CACNA1G: variants seen among roughly 807,000 people sequenced by gnomAD.
CACNA1G encodes calcium voltage-gated channel subunit alpha1 G.
Under a neutral mutation model 219.4 loss-of-function variants are expected in CACNA1G, and 67 were observed. That is an observed-to-expected ratio of 0.31 (90% CI 0.25 to 0.37). The LOEUF is 0.37. CACNA1G is among the 10% of genes least tolerant of loss of function. CACNA1G has a pLI of 1.00. For missense variants in CACNA1G, 2,380 were observed against 3,231.4 expected, an observed-to-expected ratio of 0.74 and a Z score of 6.39; for synonymous variants, 1,296 against 1,345.3, an observed-to-expected ratio of 0.96 and a Z score of 0.80.
intron 35 of CACNA1G, 95 bp from the exon 36 acceptor site, chr17:50,623,812 G>A (rs547654781): frequency 1.4e-5 from 19 of 1,319,096 alleles, no homozygotes; most frequent in Middle Eastern, 2.2e-4. Context: ...AGGGCTGGGC[G>A]GGGGGCGCTG....
Position 50,568,949 on chromosome 17 carries a change from G to T in CACNA1G, c.322G>T (p.Ala108Ser), listed in dbSNP as rs750305086. The T allele has an allele frequency of 5.0e-6, 8 of 1,612,646 alleles. No individual in the cohort carries two copies. In the East Asian group the frequency reaches 1.1e-4, roughly 22 times the overall value. ...CATGTTCCGGCCATGCGAGGACATC[G>T]CCTGTGACTCCCAGCGCTGCCGGAT... ...LGMFRPCEDI[A>S]CDSQRCRILQ... is the part of the protein sequence containing the mutation. Residue 108 changes from alanine to serine, a missense_variant, in exon 2 of 38, where the codon GCC (alanine) becomes TCC (serine). By Grantham distance (99) the Ala-to-Ser change is moderately conservative. Around this residue, in one of 17 missense-constraint regions of CACNA1G, gnomAD observed 64 missense variants for 103.7 expected, o/e 0.62. Coordinates refer to ENST00000359106, the MANE Select transcript of CACNA1G (RefSeq NM_018896.5).
Position 50,576,035 on chromosome 17 carries a change from GC to G in CACNA1G, c.1640del (p.Pro547LeufsTer17), listed in dbSNP as rs767555827. 5.7e-6 allele frequency: 9 copies of G among 1,569,838 alleles called. No homozygotes were observed. Among genetic ancestry groups the G allele is most frequent in the East Asian group, 2.4e-5 (1 of 41,904 alleles). On this transcript the variant is annotated frameshift_variant, in exon 8 of 38. Coordinates refer to ENST00000359106, the MANE Select transcript of CACNA1G (RefSeq NM_018896.5). LOFTEE classifies it high-confidence loss of function. ...ACCCTCGACGCCTGCCCTCTCCGGG[GC>G]CCCCCCTGGTGGCGCAGAGTCTGTG... ...PPPSTPALSG[A>X]PPGGAESVHS...
intron 9 of CACNA1G, among the ~76,000 whole-genome samples, chr17:50,581,082 G>A (rs1368780452): frequency 6.6e-6 from 1 of 151,168 alleles, no homozygotes; most frequent in Admixed American, 6.6e-5. Context: ...ACAGAGGCAC[G>A]GAGGGCAAGA....
At position 50,600,286 on chromosome 17, in the gene CACNA1G, G is replaced by C. The variant is rs1318992869; in HGVS notation, c.3690+427G>C. Among the ~76,000 whole-genome samples, 1 of 152,132 alleles carries C rather than the reference G, an allele frequency of 6.6e-6. No homozygotes were observed. Among genetic ancestry groups the C allele is most frequent in the Non-Finnish European group, 1.5e-5 (1 of 68,022 alleles). On this transcript the variant is annotated intron_variant, in intron 17 of 37. Transcript: ENST00000359106. The surrounding 1 kb of genome is among the most constrained non-coding windows in gnomAD (Gnocchi z 4.1). ...CCCCTCATCACCACCATTCCCCCTG[G>C]GGATGGGGTGCAGTGACCTCAGGGT...
Position 50,575,790 on chromosome 17 carries a change from G to T in CACNA1G, c.1388G>T (p.Gly463Val), listed in dbSNP as rs1475211496. ...TCTCGGGCAGCAGGTGTGCGGGTTGGGCTGCTCAGCAGCCCAGCACCCCTC... is the reference window on the plus strand; with the variant it reads ...TCTCGGGCAGCAGGTGTGCGGGTTGTGCTGCTCAGCAGCCCAGCACCCCTC... ...QVSRAAGVRV[G>V]LLSSPAPLGG... Residue 463 changes from glycine (G) to valine (V), a missense_variant, in exon 8 of 38, where the codon GGG becomes GTG. This residue lies in a region of CACNA1G where 434 missense variants were observed against 417.3 expected (regional missense o/e 1.04). Transcript: ENST00000359106. 3.2e-6 allele frequency: 5 copies of T among 1,553,542 alleles called. No individual in the cohort carries two copies. The highest frequency in any genetic ancestry group is 4.4e-6 in the Non-Finnish European group (5 of 1,148,658).
At chr17:50,607,547 C>A in intron 24 of CACNA1G, 1 of 433,882 alleles carries the variant, frequency 2.3e-6, no homozygotes, top group Non-Finnish European at 4.2e-6. Context: ...TTTGTGTCTA[C>A]TCAGGAAAAG....
rs1397267383 is a variant in CACNA1G, at chr17:50,573,102, C to T, written c.1129C>T (p.Leu377Phe). 3.8e-6 allele frequency: 6 copies of T among 1,568,776 alleles called. No individual in the cohort carries two copies. Among genetic ancestry groups the T allele is most frequent in the South Asian group, 2.3e-5 (2 of 85,296 alleles). Reference sequence around the variant, plus strand: ...CTTCTACAATTTCATCTACTTCATCCTCCTCATCATCGTGAGTGACTCCTC... The same window carrying T: ...CTTCTACAATTTCATCTACTTCATCTTCCTCATCATCGTGAGTGACTCCTC... The part of the protein sequence containing the change: ...HSFYNFIYFI[L>F]LIIVGSFFMI... The change falls in exon 7 of 38, where the codon CTC becomes TTC. Residue 377 changes from leucine (L) to phenylalanine (F), a missense_variant. Around this residue, in one of 17 missense-constraint regions of CACNA1G, gnomAD observed 72 missense variants for 175.8 expected, o/e 0.41. Coordinates refer to ENST00000359106, the MANE Select transcript of CACNA1G (RefSeq NM_018896.5).
At chr17:50,622,172 C>T (rs2052304311) in intron 35 of CACNA1G, among the ~76,000 whole-genome samples, 2 of 146,272 alleles carry the variant, frequency 1.4e-5, no homozygotes, top group Admixed American at 6.8e-5. Context: ...CTGTTCCCCT[C>T]CTCCCCACCC....
rs56854760 is a variant in CACNA1G at position 50,606,066 on chromosome 17, G to A, written c.4422+43G>A. 1,260 of 1,613,676 alleles carry A rather than the reference G, an allele frequency of 7.8e-4. 11 individuals carry two copies. The African/African-American group carries it at 0.014, about 18-fold the overall frequency. ...AGGTGGGGCTGTGGTGAAGGAGGCT[G>A]GAGGGGGCACAGGGCCATGCTTAGT... On this transcript the variant is annotated intron_variant, in intron 23 of 37. Coordinates refer to ENST00000359106, the MANE Select transcript of CACNA1G (RefSeq NM_018896.5).
intron 22 of CACNA1G, among the ~76,000 whole-genome samples, 169 bp downstream of exon 22, chr17:50,604,450 A>G (rs2047498795): frequency 6.6e-6 from 1 of 152,214 alleles, no homozygotes; most frequent in Admixed American, 6.5e-5. Flanking sequence ...GGGCATTTCA[A>G]AGAAAAGTGG....
At chr17:50,561,812 GAGGGTA>G in intron 1 of CACNA1G, 111 bp downstream of exon 1, 1 of 770,744 alleles carries the variant, frequency 1.3e-6, no homozygotes, top group Non-Finnish European at 1.8e-6. Context: ...AGTGAGCCCG[GAGGGTA>G]GGCGGATGGG....
In CACNA1G at chr17:50,626,575, G is replaced by C; in HGVS notation, c.6958G>C (p.Gly2320Arg). The C allele has an allele frequency of 6.3e-7, 1 of 1,599,570 alleles. No individual in the cohort carries two copies. Among genetic ancestry groups the C allele is most frequent in the Non-Finnish European group, 8.5e-7 (1 of 1,174,090 alleles). Residue 2320 changes from glycine (G) to arginine (R), a missense_variant, in exon 38 of 38, where the codon GGT becomes CGT. This residue lies in a region of CACNA1G where 672 missense variants were observed against 670.5 expected (regional missense o/e 1.00). Coordinates refer to ENST00000359106, the MANE Select transcript of CACNA1G (RefSeq NM_018896.5). This position sits in a 1 kb window ranked among gnomAD's most constrained non-coding sequence, Gnocchi z 4.3. ...CACCATAGACCCCCCCGAGAGCCAA[G>C]GTCCTCGGACCCCGCCCAGCCCTGG... ...SITIDPPESQ[G>R]PRTPPSPGIC... is the part of the protein sequence containing the mutation.
At chr17:50,624,598 T>G in intron 37 of CACNA1G, 69 bp downstream of exon 37, 2 of 1,363,054 alleles carry the variant, frequency 1.5e-6, no homozygotes, top group East Asian at 5.0e-5. Context: ...ATGACCTGTG[T>G]TGACACTTTC....
chr17:50,585,517 C>T (rs1004706169), intron 9 of CACNA1G, among the ~76,000 whole-genome samples: 1 of 152,158 alleles, frequency 6.6e-6, no homozygotes, highest in Admixed American at 6.5e-5. Flanking sequence ...AGAATGAACT[C>T]TGAGGAATGT....
chr17:50,599,310 C>T, intron 16 of CACNA1G, 118 bp from the exon 17 acceptor site: 1 of 953,112 alleles, frequency 1.0e-6, no homozygotes, highest in East Asian at 2.6e-5. Context: ...TCCAGAGCTC[C>T]TGCTCACATC....
chr17:50,625,298 C>T (rs747758315), intron 37 of CACNA1G, among the ~76,000 whole-genome samples: 3 of 152,202 alleles, frequency 2.0e-5, no homozygotes, highest in Admixed American at 6.5e-5. Flanking sequence ...ATGTGTGTGT[C>T]CTGAGGCATG....
In CACNA1G at chr17:50,561,571, G is replaced by T; in HGVS notation, c.112G>T (p.Glu38Ter). Reference sequence around the variant, plus strand: ...GGGCCGGCCGGGGCCGGGGTCAGCAGAAAAGGACCCGGGCAGCGCGGACTC... The same window carrying T: ...GGGCCGGCCGGGGCCGGGGTCAGCATAAAAGGACCCGGGCAGCGCGGACTC... ...AGGRPGPGSAEKDPGSADSEA... is the reference protein window; with the variant it reads ...AGGRPGPGSA The change falls in exon 1 of 38, where the codon GAA becomes TAA. Residue 38 changes from glutamate (E) to a stop codon, truncating the protein, a stop_gained. Transcript: ENST00000359106. LOFTEE classifies it high-confidence loss of function. The T allele has an allele frequency of 6.4e-7, 1 of 1,553,822 alleles. No individual in the cohort carries two copies.
chr17:50,570,457 C>T (rs1159044970), intron 4 of CACNA1G, among the ~76,000 whole-genome samples: 8 of 152,098 alleles, frequency 5.3e-5, no homozygotes, highest in Admixed American at 3.3e-4. Flanking sequence ...TGCAGATGGT[C>T]CCTGCTGTGG....
chr17:50,624,370 G>A lies in CACNA1G; in HGVS notation c.6240G>A (p.Leu2080=), dbSNP rs1260604410. 15 of 1,328,680 alleles carry A rather than the reference G, an allele frequency of 1.1e-5. No homozygotes were observed. The Admixed American group carries it at 2.9e-4, about 26-fold the overall frequency. 82.3% of individuals were successfully genotyped at this position (1,328,680 alleles called of 1,614,324 possible). ...GLPKAQSGSV[L]SVHSQPADTS... ...TCCCTCCCTCCACAGGCTCCGTCTT[G>A]TCCGTTCACTCCCAGCCAGCAGATA... The change falls in exon 37 of 38, where the codon TTG becomes TTA. Residue 2080 remains leucine (L), a synonymous_variant. Transcript: ENST00000359106.
Sources: gnomAD v4.1 joint callset for allele counts (sites outside exome capture counted in the v4.1 genomes callset) on GRCh38, gnomAD v4.1.1 for gene constraint, gnomAD v4.1.1 regional missense constraint, Gnocchi (gnomAD v3.1) non-coding constraint, MANE v1.5 for transcripts, NCBI Gene and HGNC (gene_info 2026-07-23, HGNC 2026-07-21) for gene names.